The following IRF8 variants were observed in gnomAD, a reference collection of about 807,000 sequenced individuals.
The protein encoded by IRF8 is interferon consensus sequence binding protein 1.
A neutral mutation model predicts 48.7 loss-of-function variants in IRF8; 14 were observed. The ratio of observed to expected loss-of-function variants is 0.29; its 90% CI spans 0.19 to 0.45. The LOEUF is 0.45. Among genes scored for constraint, IRF8 ranks in the 20% least tolerant of loss-of-function variants. IRF8 has a pLI of 1.00. For missense variants in IRF8, 493 were observed against 580.7 expected (o/e 0.85, Z 1.55); for synonymous variants, 278 against 227.3 (o/e 1.22, Z -2.01).
chr16:85,914,627 G>A, intron 6 of IRF8, 107 bp downstream of exon 6: 1 of 1,286,050 alleles, frequency 7.8e-7, no homozygotes, highest in Non-Finnish European at 1.1e-6. Flanking sequence ...ACCTGGTGTG[G>A]AAGTCTAGGC....
chr16:85,918,370 C>A, intron 6 of IRF8, 47 bp from the exon 7 acceptor site: 2 of 1,582,108 alleles, frequency 1.3e-6, no homozygotes, highest in Non-Finnish European at 1.7e-6. Context: ...AGGAGGGACC[C>A]TGTATGTCTC....
rs556054795 is a variant in IRF8, at chr16:85,914,702, C to T, written c.601+182C>T. On this transcript the variant is annotated intron_variant, in intron 6 of 8. Coordinates refer to ENST00000268638, the MANE Select transcript of IRF8 (RefSeq NM_002163.4). ...GGCTCCGTTCCGAGGATGAGCAGGA[C>T]CTGGTGTGGAAGTCTAGGCCTGGTT... 3.4e-3 allele frequency among the ~76,000 whole-genome samples: 516 copies of T among 151,932 alleles called. 1 individual carries two copies. The highest frequency in any genetic ancestry group is 0.012 in the African/African-American group (498 of 41,396).
chr16:85,907,964 C>T (rs1279167666), intron 2 of IRF8, among the ~76,000 whole-genome samples: 1 of 151,382 alleles, frequency 6.6e-6, no homozygotes, highest in Non-Finnish European at 1.5e-5. Context: ...GAAGTGGGTA[C>T]AGCTGGCATT....
intron 3 of IRF8, among the ~76,000 whole-genome samples, chr16:85,910,705 G>A (rs1905117865): frequency 6.6e-6 from 1 of 152,166 alleles, no homozygotes; most frequent in Non-Finnish European, 1.5e-5. Context: ...TTGCCTACAG[G>A]GGCCCACTCG....
intron 1 of IRF8, chr16:85,902,639 C>T (rs1442244975): frequency 3.1e-6 from 1 of 320,472 alleles, no homozygotes; most frequent in Admixed American, 4.1e-5. Flanking sequence ...GAACCTGGTG[C>T]TGTAAAAGTG....
In IRF8 at chr16:85,911,428, T is replaced by G. The variant is rs564810575; in HGVS notation, c.359-142T>G. ...GATGACTGAAGCATGGGAAAAAAATTCTGTGCCTTTCCCAAACCAATGAAG... is the reference window on the plus strand; with the variant it reads ...GATGACTGAAGCATGGGAAAAAAATGCTGTGCCTTTCCCAAACCAATGAAG... On this transcript the variant is annotated intron_variant, in intron 3 of 8. Coordinates refer to ENST00000268638, the MANE Select transcript of IRF8 (RefSeq NM_002163.4). The G allele has an allele frequency of 2.8e-5, 20 of 721,072 alleles. No homozygotes were observed. In the African/African-American group the frequency reaches 2.8e-4, roughly 10 times the overall value. 44.7% of individuals were successfully genotyped at this position (721,072 alleles called of 1,614,324 possible).
chr16:85,911,504 A>G, intron 3 of IRF8, 66 bp from the exon 4 acceptor site: 6 of 1,301,238 alleles, frequency 4.6e-6, no homozygotes, highest in Non-Finnish European at 4.5e-6. Context: ...AGAGTAGATT[A>G]TGGCTTCAGC....
At chr16:85,909,367 G>A in intron 3 of IRF8, 194 bp downstream of exon 3, 1 of 620,692 alleles carries the variant, frequency 1.6e-6, no homozygotes, top group Non-Finnish European at 2.9e-6. Flanking sequence ...GGAGGAGATT[G>A]GGTGCTGCCC....
At chr16:85,904,807 CAG>C in intron 2 of IRF8, among the ~76,000 whole-genome samples, 1 of 89,570 alleles carries the variant, frequency 1.1e-5, no homozygotes, top group African/African-American at 5.5e-5. Flanking sequence ...TGTTTGATTG[CAG>C]ATCTTTTTTT....
In IRF8 at chr16:85,903,201, A is replaced by G; in HGVS notation, c.174+12A>G. ...CCTCCATTTTTAAGGTAAAGAGCCCAGCTCCCTTCCCCACTGTGGGCACAG... is the reference window on the plus strand; with the variant it reads ...CCTCCATTTTTAAGGTAAAGAGCCCGGCTCCCTTCCCCACTGTGGGCACAG... On this transcript the variant is annotated intron_variant, in intron 2 of 8. Coordinates refer to ENST00000268638, the MANE Select transcript of IRF8 (RefSeq NM_002163.4). 1 of 1,611,362 alleles carries G rather than the reference A, an allele frequency of 6.2e-7. No homozygotes were observed. The highest frequency in any genetic ancestry group is 8.5e-7 in the Non-Finnish European group (1 of 1,178,436).
At chr16:85,899,900 A>G (rs1048008814) in intron 1 of IRF8, among the ~76,000 whole-genome samples, 1 of 152,216 alleles carries the variant, frequency 6.6e-6, no homozygotes, top group African/African-American at 2.4e-5. Context: ...ACTTACCCAG[A>G]GCTGTGAAAG....
At chr16:85,914,576 G>T (rs1386827150) in intron 6 of IRF8, 56 bp downstream of exon 6, 1 of 1,600,772 alleles carries the variant, frequency 6.2e-7, no homozygotes, top group African/African-American at 1.3e-5. Flanking sequence ...ACAAAGCCCA[G>T]ATAACCCAAG....
intron 1 of IRF8, 114 bp from the exon 2 acceptor site, chr16:85,902,901 C>G (rs1174615772): frequency 8.4e-7 from 1 of 1,184,750 alleles, no homozygotes; most frequent in Non-Finnish European, 1.3e-6. Flanking sequence ...TGGGTTTCCC[C>G]CAAGCCAGCA....
At chr16:85,908,282 T>C in intron 2 of IRF8, among the ~76,000 whole-genome samples, 1 of 152,240 alleles carries the variant, frequency 6.6e-6, no homozygotes, top group East Asian at 1.9e-4. Flanking sequence ...CTGTCTTATT[T>C]TTTTAAAATC....
chr16:85,906,582 G>T (rs563625351), intron 2 of IRF8, among the ~76,000 whole-genome samples: 1 of 152,244 alleles, frequency 6.6e-6, no homozygotes, highest in Non-Finnish European at 1.5e-5. Context: ...GGACTTGCTC[G>T]TGGGGTGAGT....
chr16:85,920,036 C>A, intron 7 of IRF8, 73 bp from the exon 8 acceptor site: 2 of 1,106,762 alleles, frequency 1.8e-6, no homozygotes, highest in Non-Finnish European at 2.7e-6. Context: ...CCTGATCCCC[C>A]AGCCCTGCTG....
At chr16:85,917,742 G>A (rs921236320) in intron 6 of IRF8, among the ~76,000 whole-genome samples, 1 of 152,202 alleles carries the variant, frequency 6.6e-6, no homozygotes, top group Non-Finnish European at 1.5e-5. Context: ...GGTAATCAGA[G>A]GTTGGAAGAA....
chr16:85,920,237 A>AT lies in IRF8; in HGVS notation c.1104+13_1104+14insT. The stretch of plus-strand genomic sequence containing the variant: ...CATTCTCGTGCAGGTAAGTATGGGC[A>AT]GCTTTTTTTTTTTTTTTTTTTTTTT... On this transcript the variant is annotated intron_variant, in intron 8 of 8. Transcript: ENST00000268638. The AT allele has an allele frequency of 1.1e-6, 1 of 913,574 alleles. No individual in the cohort carries two copies. Among genetic ancestry groups the AT allele is most frequent in the Non-Finnish European group, 1.7e-6 (1 of 600,104 alleles). The allele number at this position is 913,574 out of a possible 1,614,324, so 56.6% of individuals were successfully genotyped here.
intron 2 of IRF8, among the ~76,000 whole-genome samples, chr16:85,904,055 G>A (rs571215863): frequency 1.3e-5 from 2 of 152,338 alleles, no homozygotes; most frequent in East Asian, 1.9e-4. Context: ...CGAATCCCTT[G>A]TGGGTCATCA....
Sources: gnomAD v4.1 joint callset for allele counts (sites outside exome capture counted in the v4.1 genomes callset) on GRCh38, gnomAD v4.1.1 for gene constraint, MANE v1.5 for transcripts, NCBI Gene and HGNC (gene_info 2026-07-23, HGNC 2026-07-21) for gene names.